The following LRP1B variants were observed in gnomAD, a reference collection of about 807,000 sequenced individuals.
The protein encoded by LRP1B is LDL receptor related protein 1B, also known as low-density lipoprotein receptor-related protein 1B.
In LRP1B, 217 loss-of-function variants were observed where a neutral mutation model predicts 556.6. That is an observed-to-expected ratio of 0.39 (90% CI 0.35 to 0.44). LRP1B has a LOEUF of 0.44. LRP1B is among the 20% of genes least tolerant of loss of function. LRP1B has a pLI of 1.00. For missense variants in LRP1B, 5,053 were observed against 5,620.8 expected (o/e 0.90, Z 3.23); for synonymous variants, 2,047 against 1,865.8 (o/e 1.10, Z -2.50).
At chr2:141,026,136 A>C (rs1042488744) in intron 11 of LRP1B, among the ~76,000 whole-genome samples, 2 of 152,090 alleles carry the variant, frequency 1.3e-5, no homozygotes, top group Non-Finnish European at 2.9e-5. Flanking sequence ...CTATTCTCGA[A>C]TATTCATTTT....
rs1558788327 is a variant in LRP1B, at chr2:140,994,210, GT to G, written c.2504-76del. 3 of 1,368,946 alleles carry G rather than the reference GT, an allele frequency of 2.2e-6. No individual in the cohort carries two copies. The East Asian group carries it at 7.0e-5, about 32-fold the overall frequency. 84.8% of individuals were successfully genotyped at this position (1,368,946 alleles called of 1,614,324 possible). ...TCCATTAAAATTTAAATCTTGTAGA[GT>G]TTTTTGTTTGTTTTAGATTCTACAT... On this transcript the variant is annotated intron_variant, in intron 15 of 90. Coordinates refer to ENST00000389484, the MANE Select transcript of LRP1B (RefSeq NM_018557.3).
chr2:141,065,474 C>T (rs948471213), intron 7 of LRP1B, among the ~76,000 whole-genome samples: 1 of 151,890 alleles, frequency 6.6e-6, no homozygotes, highest in Non-Finnish European at 1.5e-5. Context: ...TCTTTTCTTG[C>T]TCAACTCCTT....
chr2:140,577,196 A>T (rs2105124237), intron 43 of LRP1B, among the ~76,000 whole-genome samples: 1 of 152,178 alleles, frequency 6.6e-6, no homozygotes, highest in African/African-American at 2.4e-5. Context: ...AAGAAATAGG[A>T]TACCTTGGCC....
At chr2:140,241,803 G>A (rs772221316) in intron 87 of LRP1B, among the ~76,000 whole-genome samples, 3 of 150,642 alleles carry the variant, frequency 2.0e-5, no homozygotes, top group African/African-American at 2.4e-5. Flanking sequence ...TTTTTCCCTA[G>A]TATTATATAT....
intron 43 of LRP1B, among the ~76,000 whole-genome samples, chr2:140,546,012 G>GTGTGTA (rs1394015640): frequency 2.8e-5 from 4 of 144,738 alleles, no homozygotes; most frequent in Non-Finnish European, 5.9e-5. Context: ...GTGTGTGTGT[G>GTGTGTA]TGTGTGTGTG....
chr2:141,758,662 A>G (rs1192423845), intron 2 of LRP1B, among the ~76,000 whole-genome samples: 3 of 152,102 alleles, frequency 2.0e-5, no homozygotes. Flanking sequence ...TAGGCACAGG[A>G]TATATAAAAA....
At chr2:141,831,769 A>G (rs537544506) in intron 1 of LRP1B, among the ~76,000 whole-genome samples, 1 of 151,810 alleles carries the variant, frequency 6.6e-6, no homozygotes, top group East Asian at 1.9e-4. Flanking sequence ...ACAAATTATT[A>G]TAGTCTGTGG....
At chr2:140,939,599 A>C (rs1440985254) in intron 20 of LRP1B, among the ~76,000 whole-genome samples, 1 of 150,408 alleles carries the variant, frequency 6.6e-6, no homozygotes, top group Non-Finnish European at 1.5e-5. Flanking sequence ...TTTACTATGT[A>C]AATAAGATAT....
At chr2:142,111,109 C>T (rs534173627) in intron 1 of LRP1B, among the ~76,000 whole-genome samples, 1 of 152,276 alleles carries the variant, frequency 6.6e-6, no homozygotes, top group South Asian at 2.1e-4. Context: ...GCATTAATAA[C>T]TGCCCACTGT....
chr2:141,464,252 G>A (rs997342851), intron 3 of LRP1B, among the ~76,000 whole-genome samples: 14 of 152,052 alleles, frequency 9.2e-5, no homozygotes, highest in African/African-American at 3.4e-4. Context: ...AATATACATA[G>A]GGAATTTGGT....
Position 140,998,444 on chromosome 2 carries a change from C to T in LRP1B, c.2504-4309G>A, listed in dbSNP as rs147914426. On this transcript the variant is annotated intron_variant, in intron 15 of 90. Coordinates refer to ENST00000389484, the MANE Select transcript of LRP1B (RefSeq NM_018557.3). ...AATATTCTATATTGTGTTTTTTTCCCACAAACATGTTGAGAGAAATATAAA... is the reference window on the plus strand; with the variant it reads ...AATATTCTATATTGTGTTTTTTTCCTACAAACATGTTGAGAGAAATATAAA... 2.6e-5 allele frequency among the ~76,000 whole-genome samples: 4 copies of T among 151,666 alleles called. No individual in the cohort carries two copies. In the East Asian group the frequency reaches 5.8e-4, roughly 22 times the overall value.
chr2:141,523,853 C>A (rs1684606678), intron 2 of LRP1B, among the ~76,000 whole-genome samples: 2 of 152,286 alleles, frequency 1.3e-5, no homozygotes, highest in East Asian at 3.9e-4. Flanking sequence ...TTCATGGATT[C>A]TTTTCGAAAT....
At chr2:140,866,792 T>C (rs1310932965) in intron 27 of LRP1B, among the ~76,000 whole-genome samples, 1 of 152,082 alleles carries the variant, frequency 6.6e-6, no homozygotes, top group African/African-American at 2.4e-5. Context: ...TAAAAGATAC[T>C]ATAATACAAA....
At chr2:141,799,606 G>C (rs1695936400) in intron 2 of LRP1B, among the ~76,000 whole-genome samples, 1 of 152,072 alleles carries the variant, frequency 6.6e-6, no homozygotes, top group Non-Finnish European at 1.5e-5. Flanking sequence ...CAGCCTGAGG[G>C]AGTCCTTGAT....
chr2:140,934,496 C>G (rs957708671), intron 20 of LRP1B, among the ~76,000 whole-genome samples: 5 of 152,120 alleles, frequency 3.3e-5, no homozygotes, highest in African/African-American at 4.8e-5. Context: ...ACCCTTGCAA[C>G]TTCCAGGGTA....
intron 7 of LRP1B, among the ~76,000 whole-genome samples, chr2:141,180,240 C>T (rs931888913): frequency 2.0e-5 from 3 of 150,924 alleles, no homozygotes; most frequent in African/African-American, 2.4e-5. Context: ...TGTTATTTAC[C>T]CTTGATGCCC....
intron 79 of LRP1B, among the ~76,000 whole-genome samples, chr2:140,329,079 A>C (rs2105071967): frequency 6.6e-6 from 1 of 152,188 alleles, no homozygotes; most frequent in South Asian, 2.1e-4. Flanking sequence ...GTTTGAAATC[A>C]AACTCATGTA....
intron 2 of LRP1B, among the ~76,000 whole-genome samples, chr2:141,674,403 CTT>C (rs746963924): frequency 2.6e-5 from 4 of 152,052 alleles, no homozygotes; most frequent in Non-Finnish European, 2.9e-5. Context: ...TTTCCCATCT[CTT>C]GTCTTCTTAA....
intron 1 of LRP1B, among the ~76,000 whole-genome samples, chr2:141,877,646 A>C (rs1698814838): frequency 6.6e-6 from 1 of 151,930 alleles, no homozygotes; most frequent in Non-Finnish European, 1.5e-5. Flanking sequence ...TCTAATTTGT[A>C]AACTCCCTGA....
Sources: allele counts gnomAD v4.1 joint callset (sites outside exome capture counted in the v4.1 genomes callset), GRCh38; gene constraint gnomAD v4.1.1; transcripts MANE v1.5; gene names NCBI Gene and HGNC (gene_info 2026-07-23, HGNC 2026-07-21).